The following ATXN7L1 variants were observed in gnomAD, a reference collection of about 807,000 sequenced individuals.
ATXN7L1 encodes the protein ataxin 7 like 1.
In ATXN7L1, 15 loss-of-function variants were observed where a neutral mutation model predicts 70.8. That is an observed-to-expected ratio of 0.21 (90% CI 0.14 to 0.33). The LOEUF is 0.33. Among genes scored for constraint, ATXN7L1 ranks in the 10% least tolerant of loss-of-function variants. ATXN7L1 has a pLI of 1.00. For missense variants in ATXN7L1, 975 were observed against 1,097.1 expected (o/e 0.89, Z 1.57); for synonymous variants, 440 against 445.1 (o/e 0.99, Z 0.14).
chr7:105,715,008 G>A (rs1202250859), intron 3 of ATXN7L1, among the ~76,000 whole-genome samples: 1 of 152,112 alleles, frequency 6.6e-6, no homozygotes, highest in African/African-American at 2.4e-5. Context: ...CTCCTGACTG[G>A]GTTTCTTGAG....
At chr7:105,788,822 A>C in intron 2 of ATXN7L1, 114 bp from the exon 3 acceptor site, 1 of 829,556 alleles carries the variant, frequency 1.2e-6, no homozygotes, top group Non-Finnish European at 2.0e-6. Context: ...ACACGCAGAA[A>C]GGCAATAATC....
chr7:105,761,710 C>T (rs562964660), intron 3 of ATXN7L1, among the ~76,000 whole-genome samples: 14 of 152,146 alleles, frequency 9.2e-5, no homozygotes, highest in South Asian at 6.2e-4. Flanking sequence ...AATGGAATGG[C>T]GGTGGGGTGG....
intron 2 of ATXN7L1, among the ~76,000 whole-genome samples, chr7:105,862,122 G>A (rs1816728336): frequency 6.6e-6 from 1 of 152,182 alleles, no homozygotes; most frequent in Non-Finnish European, 1.5e-5. Context: ...TTGGCCAAAT[G>A]GATTCAACCT....
At chr7:105,695,649 G>C (rs1791611253) in intron 3 of ATXN7L1, among the ~76,000 whole-genome samples, 2 of 152,178 alleles carry the variant, frequency 1.3e-5, no homozygotes, top group Non-Finnish European at 2.9e-5. Context: ...CATGTAGAGG[G>C]GATCTAGCTT....
chr7:105,614,730 A>G lies in ATXN7L1; in HGVS notation c.1604T>C (p.Phe535Ser). The change falls in exon 10 of 12, where the codon TTC (phenylalanine) becomes TCC (serine). Residue 535 changes from phenylalanine (F) to serine (S), a missense_variant. Around this residue, in one of 5 missense-constraint regions of ATXN7L1, gnomAD observed 635 missense variants for 699.4 expected, o/e 0.91. Transcript: ENST00000419735. This position sits in a 1 kb window ranked among gnomAD's most constrained non-coding sequence, Gnocchi z 4.3. The stretch of plus-strand genomic sequence containing the variant: ...AAGATACACAGCACTGGGGTTGCTG[A>G]AAGGCTGCAAAACGGATGCTGGAAC... ...TPVPASVLQPFSNPSAVYLPS... is the reference protein window; with the variant it reads ...TPVPASVLQPSSNPSAVYLPS... The G allele has an allele frequency of 6.4e-7, 1 of 1,551,752 alleles. No homozygotes were observed. Among genetic ancestry groups the G allele is most frequent in the Non-Finnish European group, 8.7e-7 (1 of 1,147,026 alleles).
At chr7:105,782,642 G>C (rs961827011) in intron 3 of ATXN7L1, among the ~76,000 whole-genome samples, 1 of 152,356 alleles carries the variant, frequency 6.6e-6, no homozygotes, top group South Asian at 2.1e-4. Flanking sequence ...CCTGTAGGAC[G>C]CTATGGCACA....
chr7:105,810,605 C>T (rs1416854228), intron 2 of ATXN7L1, among the ~76,000 whole-genome samples: 1 of 152,074 alleles, frequency 6.6e-6, no homozygotes, highest in Non-Finnish European at 1.5e-5. Flanking sequence ...GTGTTCCGCA[C>T]AGAGGGAAGA....
chr7:105,712,723 T>A (rs953665028), intron 3 of ATXN7L1, among the ~76,000 whole-genome samples: 1 of 152,180 alleles, frequency 6.6e-6, no homozygotes, highest in African/African-American at 2.4e-5. Context: ...ATTGTCAACA[T>A]CACTATCAGC....
At chr7:105,608,731 C>G (rs1304769062) in intron 11 of ATXN7L1, among the ~76,000 whole-genome samples, 1 of 152,164 alleles carries the variant, frequency 6.6e-6, no homozygotes, top group Non-Finnish European at 1.5e-5. Context: ...CTCTCCCTGG[C>G]CTGGGGATAC....
At chr7:105,656,455 C>T (rs1214122633) in intron 4 of ATXN7L1, among the ~76,000 whole-genome samples, 1 of 152,194 alleles carries the variant, frequency 6.6e-6, no homozygotes, top group Non-Finnish European at 1.5e-5. Context: ...GTGGAAGGGG[C>T]CTCTGAGAGG....
intron 10 of ATXN7L1, among the ~76,000 whole-genome samples, chr7:105,612,407 C>T (rs1045992372): frequency 6.6e-6 from 1 of 152,188 alleles, no homozygotes; most frequent in African/African-American, 2.4e-5. Context: ...CTGTTCAAGG[C>T]GTGGCCTGGG....
At chr7:105,646,887 A>G (rs1304569656) in intron 4 of ATXN7L1, among the ~76,000 whole-genome samples, 7 of 152,008 alleles carry the variant, frequency 4.6e-5, no homozygotes, top group African/African-American at 1.5e-4. Context: ...GGGGCTGCAG[A>G]GAGCTAGGAT....
At chr7:105,613,784 C>G (rs768041858) in intron 10 of ATXN7L1, 78 bp downstream of exon 10, 1 of 1,547,834 alleles carries the variant, frequency 6.5e-7, no homozygotes, top group Non-Finnish European at 8.7e-7. Context: ...CTGTCGGAGC[C>G]GCCCGGCTAA....
intron 2 of ATXN7L1, among the ~76,000 whole-genome samples, chr7:105,795,636 A>G (rs929739171): frequency 6.6e-6 from 1 of 152,214 alleles, no homozygotes; most frequent in African/African-American, 2.4e-5. Context: ...TTTTGCAAGC[A>G]GGAATTCCAG....
chr7:105,690,193 C>T (rs1255983749), intron 3 of ATXN7L1, among the ~76,000 whole-genome samples: 1 of 151,772 alleles, frequency 6.6e-6, no homozygotes, highest in Admixed American at 6.6e-5. Context: ...TTCGTAGAGA[C>T]GGGGTTTCTC....
chr7:105,780,319 C>T (rs1249511444), intron 3 of ATXN7L1, among the ~76,000 whole-genome samples: 2 of 152,170 alleles, frequency 1.3e-5, no homozygotes, highest in African/African-American at 2.4e-5. Flanking sequence ...CATGCCATGC[C>T]TCACTCCAGG....
intron 2 of ATXN7L1, among the ~76,000 whole-genome samples, chr7:105,814,405 G>A (rs1808884377): frequency 6.6e-6 from 1 of 152,060 alleles, no homozygotes; most frequent in African/African-American, 2.4e-5. Context: ...GGAGAAGGGA[G>A]AGAAACTATC....
intron 7 of ATXN7L1, among the ~76,000 whole-genome samples, chr7:105,633,160 G>A (rs1464114723): frequency 6.6e-6 from 1 of 152,134 alleles, no homozygotes; most frequent in Non-Finnish European, 1.5e-5. Flanking sequence ...ATTTAAGTGT[G>A]AGAGTAGAAT....
chr7:105,638,523 C>T lies in ATXN7L1; in HGVS notation c.1032G>A (p.Arg344=), dbSNP rs1276006500. The part of the protein sequence containing the change: ...LLLAEHKAKS[R]EKEVKDKEHL... ...GCTCTTTATCTTTAACTTCTTTTTCCCGGGACTTTGCTTTGTGTTCTGCCA... is the reference window on the plus strand; with the variant it reads ...GCTCTTTATCTTTAACTTCTTTTTCTCGGGACTTTGCTTTGTGTTCTGCCA... Residue 344 remains arginine (R), a synonymous_variant, in exon 7 of 12, where the codon CGG becomes CGA. Transcript: ENST00000419735. 1.1e-5 allele frequency: 17 copies of T among 1,552,078 alleles called. No homozygotes were observed. In the Admixed American group the frequency reaches 2.7e-4, roughly 25 times the overall value.
Sources: gnomAD v4.1 joint callset for allele counts (sites outside exome capture counted in the v4.1 genomes callset) on GRCh38, gnomAD v4.1.1 for gene constraint, gnomAD v4.1.1 regional missense constraint, Gnocchi (gnomAD v3.1) non-coding constraint, MANE v1.5 for transcripts, NCBI Gene and HGNC (gene_info 2026-07-23, HGNC 2026-07-21) for gene names.